The following MALRD1 variants were observed in gnomAD, a reference collection of about 807,000 sequenced individuals.
The protein encoded by MALRD1 is MAM and LDL-receptor class A domain-containing protein 1.
A neutral mutation model predicts 242.1 loss-of-function variants in MALRD1; 247 were observed. The ratio of observed to expected loss-of-function variants is 1.02; its 90% CI spans 0.92 to 1.13. MALRD1 has a LOEUF of 1.13. MALRD1 is among the 50% of genes most tolerant of loss of function. The pLI is 0.00. For missense variants in MALRD1, 2,989 were observed against 2,533.1 expected, an observed-to-expected ratio of 1.18 and a Z score of -3.86; for synonymous variants, 995 against 866.6, an observed-to-expected ratio of 1.15 and a Z score of -2.60.
At chr10:19,498,680 C>G in intron 31 of MALRD1, 34 bp downstream of exon 31, 1 of 1,530,490 alleles carries the variant, frequency 6.5e-7, no homozygotes, top group African/African-American at 1.4e-5. Context: ...ACCAAGAAAC[C>G]CACTCATCTT....
intron 36 of MALRD1, among the ~76,000 whole-genome samples, chr10:19,660,010 A>C (rs949810459): frequency 1.8e-4 from 27 of 152,244 alleles, no homozygotes; most frequent in African/African-American, 6.3e-4. Context: ...GTAAGAACTA[A>C]ATCAGACAGT....
At chr10:19,259,672 A>G (rs1407567764) in intron 19 of MALRD1, among the ~76,000 whole-genome samples, 1 of 152,114 alleles carries the variant, frequency 6.6e-6, no homozygotes, top group East Asian at 1.9e-4. Context: ...TTGGGTAGGG[A>G]CACAGCCAAA....
chr10:19,169,455 A>G (rs1183950353), intron 13 of MALRD1, among the ~76,000 whole-genome samples: 2 of 152,218 alleles, frequency 1.3e-5, no homozygotes, highest in Admixed American at 6.5e-5. Context: ...ACAGAGAGAA[A>G]CAAATACCTA....
chr10:19,438,943 G>A (rs1000327532), intron 28 of MALRD1, among the ~76,000 whole-genome samples: 1 of 152,094 alleles, frequency 6.6e-6, no homozygotes, highest in Non-Finnish European at 1.5e-5. Flanking sequence ...AGATTCACTG[G>A]CAACCGATGC....
intron 28 of MALRD1, among the ~76,000 whole-genome samples, chr10:19,399,749 CT>C (rs956441001): frequency 1.1e-3 from 163 of 152,162 alleles, no homozygotes; most frequent in African/African-American, 3.1e-3. Flanking sequence ...ATGTTTTAAA[CT>C]TTTTTTAACA....
At chr10:19,138,435 T>G (rs550349479) in intron 10 of MALRD1, among the ~76,000 whole-genome samples, 26 of 151,148 alleles carry the variant, frequency 1.7e-4, no homozygotes, top group South Asian at 4.2e-4. Context: ...TTTTTTTTTT[T>G]TTGGGGACAG....
intron 38 of MALRD1, among the ~76,000 whole-genome samples, chr10:19,694,927 A>G (rs972266517): frequency 4.6e-5 from 7 of 152,224 alleles, no homozygotes; most frequent in Non-Finnish European, 8.8e-5. Flanking sequence ...TTGCAGGGAC[A>G]TGGATGAAGC....
chr10:19,325,542 G>A (rs900916259), intron 22 of MALRD1, among the ~76,000 whole-genome samples: 5 of 151,896 alleles, frequency 3.3e-5, no homozygotes, highest in Non-Finnish European at 4.4e-5. Flanking sequence ...CATAAAGTTC[G>A]TGAGTAATAT....
chr10:19,410,090 CT>C (rs1426557910), intron 28 of MALRD1, among the ~76,000 whole-genome samples: 3 of 152,136 alleles, frequency 2.0e-5, no homozygotes, highest in African/African-American at 7.2e-5. Context: ...TGCTCTGTGT[CT>C]GTTCCAAGCC....
intron 36 of MALRD1, among the ~76,000 whole-genome samples, chr10:19,662,138 A>G (rs1270911949): frequency 2.7e-4 from 41 of 152,128 alleles, no homozygotes; most frequent in Non-Finnish European, 2.9e-5. Flanking sequence ...CCTAGGAAGA[A>G]AAAAAATAAT....
At chr10:19,250,462 G>A (rs367937733) in intron 18 of MALRD1, among the ~76,000 whole-genome samples, 41 of 151,850 alleles carry the variant, frequency 2.7e-4, no homozygotes, top group African/African-American at 8.9e-4. Context: ...GTTCTCAGAG[G>A]GTATTTTAAA....
chr10:19,548,186 A>T (rs1835326833), intron 32 of MALRD1, among the ~76,000 whole-genome samples: 3 of 151,268 alleles, frequency 2.0e-5, no homozygotes, highest in South Asian at 2.1e-4. Context: ...TTTACTAAAG[A>T]TGGGGTTTCA....
At chr10:19,357,373 CA>C (rs138858113) in intron 26 of MALRD1, among the ~76,000 whole-genome samples, 2,343 of 145,876 alleles carry the variant, frequency 0.016, 51 homozygotes, top group African/African-American at 0.046. Context: ...AGGAATTTTT[CA>C]AAAAAAAAAG....
intron 19 of MALRD1, among the ~76,000 whole-genome samples, chr10:19,275,770 C>T (rs2131862956): frequency 6.6e-6 from 1 of 152,300 alleles, no homozygotes; most frequent in African/African-American, 2.4e-5. Flanking sequence ...TAAAGTAGTA[C>T]AGTCAGTGAA....
At chr10:19,265,466 T>A (rs1839933854) in intron 19 of MALRD1, among the ~76,000 whole-genome samples, 1 of 152,162 alleles carries the variant, frequency 6.6e-6, no homozygotes, top group South Asian at 2.1e-4. Flanking sequence ...TTCATTTTGA[T>A]TTGTTCTTTG....
intron 31 of MALRD1, among the ~76,000 whole-genome samples, chr10:19,515,961 C>G (rs540943639): frequency 6.6e-6 from 1 of 152,274 alleles, no homozygotes; most frequent in East Asian, 1.9e-4. Flanking sequence ...CTATTTAATT[C>G]ACTTGTTTTT....
intron 29 of MALRD1, among the ~76,000 whole-genome samples, chr10:19,453,200 G>A (rs774852472): frequency 6.6e-6 from 1 of 152,064 alleles, no homozygotes; most frequent in Non-Finnish European, 1.5e-5. Context: ...TTGATGTTCT[G>A]CATGTGAAAT....
chr10:19,473,809 C>T (rs1836608846), intron 29 of MALRD1, among the ~76,000 whole-genome samples: 1 of 152,018 alleles, frequency 6.6e-6, no homozygotes, highest in South Asian at 2.1e-4. Flanking sequence ...TGCTCAAGTC[C>T]CTGCTTTCAG....
chr10:19,190,438 A>G (rs1213868759), intron 14 of MALRD1, among the ~76,000 whole-genome samples: 1 of 152,102 alleles, frequency 6.6e-6, no homozygotes, highest in Non-Finnish European at 1.5e-5. Context: ...TTTTAGCTGA[A>G]ATAGAAAGTA....
Sources: gnomAD v4.1 joint callset for allele counts (sites outside exome capture counted in the v4.1 genomes callset) on GRCh38, gnomAD v4.1.1 for gene constraint, MANE v1.5 for transcripts, NCBI Gene and HGNC (gene_info 2026-07-23, HGNC 2026-07-21) for gene names.